Variants in IL1RL2 observed in about 807,000 individuals in gnomAD.
The protein encoded by IL1RL2 is interleukin-1 receptor-like 2.
Under a neutral mutation model 66.8 loss-of-function variants are expected in IL1RL2, and 68 were observed. The ratio of observed to expected loss-of-function variants is 1.02; its 90% CI spans 0.84 to 1.25. The LOEUF (loss-of-function observed/expected upper bound fraction) is 1.25. Ranked by LOEUF, IL1RL2 falls within the 50% of genes most tolerant of loss-of-function variation. The pLI is 0.00. For synonymous variants in IL1RL2, 305 were observed against 264.6 expected, an observed-to-expected ratio of 1.15 and a Z score of -1.48; for missense variants, 729 against 709.3, an observed-to-expected ratio of 1.03 and a Z score of -0.32.
At chr2:102,188,585 C>T (rs1376793910) in intron 2 of IL1RL2, among the ~76,000 whole-genome samples, 2 of 28,108 alleles carry the variant, frequency 7.1e-5, no homozygotes, top group South Asian at 1.7e-3. Flanking sequence ...GAGACTCCGT[C>T]TCAAAAAAAA....
chr2:102,212,091 ATT>A lies in IL1RL2; in HGVS notation c.650-7_650-6del. On this transcript the variant is annotated splice_region_variant and splice_polypyrimidine_tract_variant and intron_variant, in intron 5 of 11. Transcript: ENST00000264257. ...TCTAATGCAATTTCCTGTGGGTATG[ATT>A]TCTTAGCAGAAAGAGCTGGATATGG... 1.2e-6 allele frequency: 2 copies of A among 1,607,446 alleles called. No individual in the cohort carries two copies. The highest frequency in any genetic ancestry group is 1.7e-6 in the Non-Finnish European group (2 of 1,174,100).
intron 4 of IL1RL2, among the ~76,000 whole-genome samples, chr2:102,200,606 T>A (rs1688172279): frequency 6.6e-6 from 1 of 152,214 alleles, no homozygotes; most frequent in Non-Finnish European, 1.5e-5. Context: ...AATGTTTGAA[T>A]GAACAAATGG....
chr2:102,220,573 C>T (rs1690021473), intron 8 of IL1RL2, among the ~76,000 whole-genome samples: 1 of 152,170 alleles, frequency 6.6e-6, no homozygotes, highest in Non-Finnish European at 1.5e-5. Context: ...ATCAGGAGAA[C>T]AACTTTAAAT....
At chr2:102,197,401 A>C (rs1687879881) in intron 4 of IL1RL2, among the ~76,000 whole-genome samples, 1 of 152,214 alleles carries the variant, frequency 6.6e-6, no homozygotes, top group African/African-American at 2.4e-5. Flanking sequence ...TACCTGAAAG[A>C]GCTTGGAAAT....
chr2:102,201,701 T>A lies in IL1RL2; in HGVS notation c.635T>A (p.Ile212Asn). 3.1e-6 allele frequency: 5 copies of A among 1,613,824 alleles called. No homozygotes were observed. The highest frequency in any genetic ancestry group is 4.2e-6 in the Non-Finnish European group (5 of 1,179,858). The change falls in exon 5 of 12, where the codon ATC becomes AAC. Residue 212 changes from isoleucine to asparagine, a missense_variant. Physicochemically the swap from Ile to Asn is moderately radical, Grantham distance 149 (BLOSUM62 -3). Coordinates refer to ENST00000264257, the MANE Select transcript of IL1RL2 (RefSeq NM_003854.4). ...SGKQYEVLNG[I>N]TVSITERAGY... ...AAGCAGTACGAGGTTTTAAATGGCA[T>A]CACTGTGAGCATTAGTAAGTATGCT...
In IL1RL2 at chr2:102,239,398, C is replaced by T. The variant is rs562556262; in HGVS notation, c.*157C>T. On this transcript the variant is annotated 3_prime_UTR_variant, in exon 12 of 12. Coordinates refer to ENST00000264257, the MANE Select transcript of IL1RL2 (RefSeq NM_003854.4). ...AGAGAAGAGGAGGATGGGATAAGAA[C>T]TGGGGCCATCCCCATGTCATGGTGG... 1.2e-5 allele frequency: 8 copies of T among 661,830 alleles called. 1 individual carries two copies. In the South Asian group the frequency reaches 1.3e-4, roughly 11 times the overall value. The allele number at this position is 661,830 out of a possible 1,614,324, so 41.0% of individuals were successfully genotyped here. A position where few individuals can be genotyped will look rare whatever the true frequency, so the allele number is the denominator to read the frequency against.
intron 8 of IL1RL2, among the ~76,000 whole-genome samples, chr2:102,222,563 C>T (rs539329811): frequency 1.3e-5 from 2 of 152,332 alleles, no homozygotes; most frequent in South Asian, 4.1e-4. Context: ...TCCCAGTTGT[C>T]ACCTTCATCT....
At chr2:102,235,472 C>T (rs1459207443) in intron 11 of IL1RL2, 195 bp downstream of exon 11, 2 of 985,306 alleles carry the variant, frequency 2.0e-6, no homozygotes, top group African/African-American at 3.5e-5. Flanking sequence ...TTCAGGGAAA[C>T]ACACGGCTTC....
intron 6 of IL1RL2, among the ~76,000 whole-genome samples, chr2:102,216,682 G>C (rs1187613733): frequency 6.6e-6 from 1 of 151,906 alleles, no homozygotes; most frequent in African/African-American, 2.4e-5. Flanking sequence ...TACTTTTGTG[G>C]TTTGGTGGTT....
chr2:102,201,076 A>G (rs1176433281), intron 4 of IL1RL2, among the ~76,000 whole-genome samples: 2 of 152,054 alleles, frequency 1.3e-5, no homozygotes, highest in Non-Finnish European at 2.9e-5. Context: ...GTCTTGGCAG[A>G]GGGTCTTGGG....
rs574881814 is a variant in IL1RL2 at position 102,212,175 on chromosome 2, GT to G, written c.724+2del. 4.1e-5 allele frequency: 66 copies of G among 1,603,072 alleles called. 1 individual carries two copies. The South Asian group carries it at 6.5e-4, about 16-fold the overall frequency. On this transcript the variant is annotated splice_donor_variant, in intron 6 of 11. Coordinates refer to ENST00000264257, the MANE Select transcript of IL1RL2 (RefSeq NM_003854.4). LOFTEE classifies it high-confidence loss of function. ...AATCATTCAATTGAAGTACAGCTTG[GT>G]GAGTAAAATTATTGAAGCCATTGAA...
chr2:102,195,571 TTC>T (rs1262428347), intron 4 of IL1RL2, among the ~76,000 whole-genome samples: 5 of 14,072 alleles, frequency 3.6e-4, no homozygotes, highest in African/African-American at 9.0e-4. Context: ...CTTTCTTTCT[TTC>T]TTTCTTTCTT....
intron 6 of IL1RL2, among the ~76,000 whole-genome samples, chr2:102,213,879 G>A (rs1016432935): frequency 4.6e-5 from 7 of 152,112 alleles, no homozygotes; most frequent in African/African-American, 1.7e-4. Flanking sequence ...GGGTTGGGGA[G>A]AAAGTTAAAC....
chr2:102,213,457 A>G (rs1689349843), intron 6 of IL1RL2, among the ~76,000 whole-genome samples: 1 of 152,206 alleles, frequency 6.6e-6, no homozygotes, highest in African/African-American at 2.4e-5. Flanking sequence ...TCTACAATAT[A>G]AACATATATC....
At chr2:102,203,153 TA>T (rs1228019438) in intron 5 of IL1RL2, among the ~76,000 whole-genome samples, 5 of 152,176 alleles carry the variant, frequency 3.3e-5, no homozygotes, top group Admixed American at 6.5e-5. Flanking sequence ...TTTTAGCCTT[TA>T]TTCTGTTGAT....
At chr2:102,222,108 T>A (rs1355297222) in intron 8 of IL1RL2, among the ~76,000 whole-genome samples, 1 of 152,190 alleles carries the variant, frequency 6.6e-6, no homozygotes, top group Admixed American at 6.5e-5. Flanking sequence ...TACAATTTAT[T>A]TTTGCCTGTT....
At chr2:102,231,772 G>A (rs968215222) in intron 9 of IL1RL2, among the ~76,000 whole-genome samples, 14 of 152,158 alleles carry the variant, frequency 9.2e-5, no homozygotes, top group Non-Finnish European at 2.9e-5. Context: ...GACGACATGC[G>A]CCATTGGGTT....
At chr2:102,200,274 G>A (rs923658455) in intron 4 of IL1RL2, among the ~76,000 whole-genome samples, 20 of 152,076 alleles carry the variant, frequency 1.3e-4, no homozygotes, top group Admixed American at 3.9e-4. Context: ...CCCATATCAG[G>A]TATTTATAGG....
chr2:102,197,252 A>AG (rs1195583731), intron 4 of IL1RL2, among the ~76,000 whole-genome samples: 1 of 152,168 alleles, frequency 6.6e-6, no homozygotes, highest in East Asian at 1.9e-4. Flanking sequence ...CTTGCAGGAG[A>AG]GGGATGAAGG....
Sources: allele counts gnomAD v4.1 joint callset (sites outside exome capture counted in the v4.1 genomes callset), GRCh38; gene constraint gnomAD v4.1.1; transcripts MANE v1.5; gene names NCBI Gene and HGNC (gene_info 2026-07-23, HGNC 2026-07-21).